The following CECR2 variants were observed in gnomAD, a reference collection of about 807,000 sequenced individuals.
CECR2 encodes CECR2 histone acetyl-lysine reader.
In CECR2, 30 loss-of-function variants were observed where a neutral mutation model predicts 154.5. The observed-to-expected ratio is 0.19, with a 90% CI of 0.15 to 0.26. The LOEUF is 0.26. Ranked by LOEUF, CECR2 falls within the 10% of genes least tolerant of loss-of-function variation. The probability of loss-of-function intolerance (pLI) is 1.00; values close to 1 mark genes in which losing one functional copy is unlikely to be tolerated. For missense variants in CECR2, 1,743 were observed against 1,829.3 expected, an observed-to-expected ratio of 0.95 and a Z score of 0.86; for synonymous variants, 725 against 683.7, an observed-to-expected ratio of 1.06 and a Z score of -0.94.
Position 17,416,444 on chromosome 22 carries a change from C to T in CECR2, c.126+46535C>T, listed in dbSNP as rs16982393. On this transcript the variant is annotated intron_variant, in intron 1 of 18. Coordinates refer to ENST00000262608, the MANE Select transcript of CECR2 (RefSeq NM_001290047.2). Reference sequence around the variant, plus strand: ...TTAATGCTCTGAATGATAAAATGGGCAAAACCAAATAGGGTATGTTGGTTA... The same window carrying T: ...TTAATGCTCTGAATGATAAAATGGGTAAAACCAAATAGGGTATGTTGGTTA... Among the ~76,000 whole-genome samples the T allele has an allele frequency of 6.3e-3, 964 of 152,156 alleles. 9 individuals are homozygous for T. Among genetic ancestry groups the T allele is most frequent in the African/African-American group, 0.022 (927 of 41,492 alleles).
At chr22:17,497,936 G>A (rs574588555) in intron 3 of CECR2, among the ~76,000 whole-genome samples, 9 of 152,266 alleles carry the variant, frequency 5.9e-5, no homozygotes, top group Non-Finnish European at 1.2e-4. Context: ...ATTTTTCAGG[G>A]TGTAAATTTG....
At chr22:17,402,142 C>G in intron 1 of CECR2, among the ~76,000 whole-genome samples, 1 of 152,126 alleles carries the variant, frequency 6.6e-6, no homozygotes, top group African/African-American at 2.4e-5. Context: ...CACCACCATG[C>G]CCAGCTAATT....
chr22:17,370,112 G>T (rs1176191220), intron 1 of CECR2, among the ~76,000 whole-genome samples: 2 of 151,146 alleles, frequency 1.3e-5, no homozygotes, highest in South Asian at 4.1e-4. Context: ...GCGTCGGGCC[G>T]GGGACGCCGG....
chr22:17,528,190 TGTG>T (rs35699419), intron 9 of CECR2, among the ~76,000 whole-genome samples: 21,614 of 152,082 alleles, frequency 0.14, 1,938 homozygotes, highest in Non-Finnish European at 0.2. Flanking sequence ...ATAAAGAAAA[TGTG>T]GTACTGATAC....
intron 7 of CECR2, among the ~76,000 whole-genome samples, chr22:17,506,110 GT>G (rs2146904124): frequency 6.6e-6 from 1 of 152,162 alleles, no homozygotes; most frequent in South Asian, 2.1e-4. Context: ...GCTTCCCAAA[GT>G]GCTGGGATTA....
intron 1 of CECR2, among the ~76,000 whole-genome samples, chr22:17,428,798 T>TTGTGTGTGTGTGTGTG (rs60474818): frequency 0.09 from 12,276 of 136,100 alleles, 630 homozygotes; most frequent in East Asian, 0.17. Flanking sequence ...ATGTTTTTAT[T>TTGTGTGTGTGTGTGTG]TGTGTGTGTG....
chr22:17,435,684 TAAAAAAAAAAAAA>T (rs10694414), intron 1 of CECR2, among the ~76,000 whole-genome samples: 2 of 90,928 alleles, frequency 2.2e-5, no homozygotes, highest in African/African-American at 4.0e-5. Flanking sequence ...TTTTAATTCT[TAAAAAAAAAAAAA>T]AAAAAAAAAA....
chr22:17,508,470 G>T (rs1441707823), intron 7 of CECR2, among the ~76,000 whole-genome samples: 1 of 152,046 alleles, frequency 6.6e-6, no homozygotes, highest in African/African-American at 2.4e-5. Flanking sequence ...ACCATTGTGT[G>T]TCTGGGATTG....
intron 1 of CECR2, among the ~76,000 whole-genome samples, chr22:17,447,031 A>ATCTGTTTT (rs1727319716): frequency 2.0e-5 from 2 of 100,608 alleles, no homozygotes; most frequent in African/African-American, 1.1e-4. Context: ...TGCGTTTACA[A>ATCTGTTTT]TCTTTTTTTT....
intron 5 of CECR2, among the ~76,000 whole-genome samples, chr22:17,502,062 C>T (rs1318058441): frequency 2.6e-5 from 4 of 152,146 alleles, no homozygotes; most frequent in African/African-American, 4.8e-5. Context: ...CGAAAACAAG[C>T]GAAAAGTCCA....
In CECR2 at chr22:17,539,001, G is replaced by A. The variant is rs1299339757; in HGVS notation, c.1377G>A (p.Met459Ile). The A allele has an allele frequency of 6.2e-7, 1 of 1,613,400 alleles. No homozygotes were observed. The highest frequency in any genetic ancestry group is 8.5e-7 in the Non-Finnish European group (1 of 1,179,692). Reference protein sequence around the residue: ...PNYYQIIKAPMDISSMEKKLN... With the variant: ...PNYYQIIKAPIDISSMEKKLN... ...TTATGTGTCTCGTTTAGGCCCCCAT[G>A]GATATTTCCAGCATGGAGAAGAAAC... is the stretch of plus-strand genomic sequence containing the variant. The change falls in exon 13 of 19, where the codon ATG (methionine) becomes ATA (isoleucine). Residue 459 changes from methionine to isoleucine, a missense_variant. Physicochemically the swap from Met to Ile is conservative, Grantham distance 10. Around this residue, in one of 4 missense-constraint regions of CECR2, gnomAD observed 103 missense variants for 166.8 expected, o/e 0.62. Transcript: ENST00000262608.
rs769986240 is a variant in CECR2, at chr22:17,505,008, G to A, written c.862G>A (p.Ala288Thr). 2 of 1,612,996 alleles carry A rather than the reference G, an allele frequency of 1.2e-6. No individual in the cohort carries two copies. The highest frequency in any genetic ancestry group is 2.2e-5 in the East Asian group (1 of 44,842). ...DFLPEICNMIAQKGKRPQRTK... is the reference protein window; with the variant it reads ...DFLPEICNMITQKGKRPQRTK... ...CCTGCCTGAGATCTGCAACATGATC[G>A]CCCAGAAGGTGCGCCACACTCTCTG... Residue 288 changes from alanine (A) to threonine (T), a missense_variant, in exon 7 of 19, where the codon GCC becomes ACC. Coordinates refer to ENST00000262608, the MANE Select transcript of CECR2 (RefSeq NM_001290047.2).
At chr22:17,432,529 C>A (rs2054441146) in intron 1 of CECR2, among the ~76,000 whole-genome samples, 1 of 152,168 alleles carries the variant, frequency 6.6e-6, no homozygotes, top group African/African-American at 2.4e-5. Flanking sequence ...TGTGTTTAAC[C>A]TTTTGAAGAA....
chr22:17,537,214 A>G lies in CECR2; in HGVS notation c.1220A>G (p.Glu407Gly), dbSNP rs758794753. ...HLDPNSPMRE[E>G]KKTKDLFELD... ...GACCCCAATTCCCCCATGAGAGAGG[A>G]AAAAAAGACTAAAGACCTGTGAGTA... Residue 407 changes from glutamate (E) to glycine (G), a missense_variant, in exon 10 of 19, where the codon GAA (glutamate) becomes GGA (glycine). By Grantham distance (98) the Glu-to-Gly change is moderately conservative. Transcript: ENST00000262608. 2 of 1,613,312 alleles carry G rather than the reference A, an allele frequency of 1.2e-6. No individual in the cohort carries two copies. Among genetic ancestry groups the G allele is most frequent in the East Asian group, 2.2e-5 (1 of 44,862 alleles).
Position 17,542,364 on chromosome 22 carries a change from G to A in CECR2, c.2221G>A (p.Ala741Thr), listed in dbSNP as rs965763745. 1.9e-6 allele frequency: 3 copies of A among 1,613,682 alleles called. No homozygotes were observed. Among genetic ancestry groups the A allele is most frequent in the African/African-American group, 2.7e-5 (2 of 74,908 alleles). ...PGFIPPRHGGAPARPPDFPES... is the reference protein window; with the variant it reads ...PGFIPPRHGGTPARPPDFPES... ...ATTCATTCCTCCCCGGCATGGGGGG[G>A]CTCCAGCCCGGCCACCAGACTTTCC... The change falls in exon 16 of 19, where the codon GCT (alanine) becomes ACT (threonine). Residue 741 changes from alanine (A) to threonine (T), a missense_variant. Ala to Thr is a moderately conservative substitution (Grantham distance 58). Around this residue, in one of 4 missense-constraint regions of CECR2, gnomAD observed 1,250 missense variants for 1,192.1 expected, o/e 1.05. Transcript: ENST00000262608.
At chr22:17,380,216 C>T (rs1378900659) in intron 1 of CECR2, among the ~76,000 whole-genome samples, 1 of 152,224 alleles carries the variant, frequency 6.6e-6, no homozygotes, top group African/African-American at 2.4e-5. Flanking sequence ...ATCAGTTCTA[C>T]AGCCAAAAGC....
At chr22:17,429,037 A>G (rs73876436) in intron 1 of CECR2, among the ~76,000 whole-genome samples, 10,189 of 152,086 alleles carry the variant, frequency 0.067, 925 homozygotes, top group East Asian at 0.36. Flanking sequence ...ATAACTGCCT[A>G]GGAGAACATG....
At position 17,497,556 on chromosome 22, in the gene CECR2, G is replaced by A; in HGVS notation, c.375G>A (p.Leu125=). 2 of 1,613,978 alleles carry A rather than the reference G, an allele frequency of 1.2e-6. No homozygotes were observed. The highest frequency in any genetic ancestry group is 1.7e-6 in the Non-Finnish European group (2 of 1,179,882). ...EILHRLCDYR[L]DADDVFDLLK... is the part of the protein sequence containing the mutation. ...TGCACCGACTCTGTGATTACCGGCTGGATGCAGACGATGTCTTCGATCTTC... is the reference window on the plus strand; with the variant it reads ...TGCACCGACTCTGTGATTACCGGCTAGATGCAGACGATGTCTTCGATCTTC... Residue 125 remains leucine (L), a synonymous_variant, in exon 3 of 19, where the codon CTG becomes CTA. Coordinates refer to ENST00000262608, the MANE Select transcript of CECR2 (RefSeq NM_001290047.2).
intron 1 of CECR2, among the ~76,000 whole-genome samples, chr22:17,450,411 T>TAGGTGC (rs2054750054): frequency 6.6e-6 from 1 of 152,098 alleles, no homozygotes; most frequent in Non-Finnish European, 1.5e-5. Context: ...GCTGGGGCTA[T>TAGGTGC]AGGTGCATGC....
Sources: allele counts gnomAD v4.1 joint callset (sites outside exome capture counted in the v4.1 genomes callset), GRCh38; gene constraint gnomAD v4.1.1; regional missense constraint gnomAD v4.1.1; transcripts MANE v1.5; gene names NCBI Gene and HGNC (gene_info 2026-07-23, HGNC 2026-07-21).